The following TYR variants were observed in gnomAD, a reference collection of about 807,000 sequenced individuals.
The protein encoded by TYR is tyrosinase.
A neutral mutation model predicts 51.5 loss-of-function variants in TYR; 58 were observed. That is an observed-to-expected ratio of 1.13 (90% CI 0.91 to 1.40). The LOEUF is 1.40. Among genes scored for constraint, TYR ranks in the 40% most tolerant of loss-of-function variants. TYR has a pLI of 0.00. For synonymous variants in TYR, 263 were observed against 235.2 expected, an observed-to-expected ratio of 1.12 and a Z score of -1.08; for missense variants, 732 against 647.4, an observed-to-expected ratio of 1.13 and a Z score of -1.42.
chr11:89,201,467 C>A (rs1003685758), intron 2 of TYR, among the ~76,000 whole-genome samples: 1 of 152,038 alleles, frequency 6.6e-6, no homozygotes, highest in Non-Finnish European at 1.5e-5. Context: ...TATGTAGGTT[C>A]CATTTTGTGA....
intron 3 of TYR, among the ~76,000 whole-genome samples, chr11:89,238,931 C>A (rs1023114834): frequency 6.6e-6 from 1 of 152,108 alleles, no homozygotes; most frequent in Non-Finnish European, 1.5e-5. Context: ...GATAATCCCT[C>A]TTGATGATAG....
intron 4 of TYR, among the ~76,000 whole-genome samples, chr11:89,289,268 T>G (rs1283509763): frequency 1.3e-5 from 2 of 152,066 alleles, no homozygotes; most frequent in Non-Finnish European, 2.9e-5. Flanking sequence ...CTGTTCACAG[T>G]AACTGCAGTG....
intron 3 of TYR, among the ~76,000 whole-genome samples, chr11:89,259,150 T>A (rs1483444065): frequency 2.0e-5 from 3 of 152,070 alleles, no homozygotes; most frequent in Non-Finnish European, 4.4e-5. Context: ...TGAATGAGTC[T>A]AGAATTCGTA....
intron 2 of TYR, among the ~76,000 whole-genome samples, chr11:89,214,839 C>T (rs779496944): frequency 6.6e-6 from 1 of 152,104 alleles, no homozygotes; most frequent in East Asian, 1.9e-4. Flanking sequence ...TGATTAAGAA[C>T]ATAGATTTTA....
intron 2 of TYR, among the ~76,000 whole-genome samples, chr11:89,226,284 G>A (rs2135280750): frequency 6.6e-6 from 1 of 152,188 alleles, no homozygotes; most frequent in African/African-American, 2.4e-5. Context: ...TTTTACCTTA[G>A]ACAAGTTCTT....
intron 2 of TYR, among the ~76,000 whole-genome samples, chr11:89,204,701 A>T (rs1397561969): frequency 6.6e-6 from 1 of 152,104 alleles, no homozygotes; most frequent in Non-Finnish European, 1.5e-5. Flanking sequence ...CCCAGCTGAG[A>T]TTATAAACTT....
At chr11:89,227,134 G>A (rs1943986842) in intron 2 of TYR, among the ~76,000 whole-genome samples, 1 of 152,084 alleles carries the variant, frequency 6.6e-6, no homozygotes, top group African/African-American at 2.4e-5. Flanking sequence ...CAGAGTTACT[G>A]TAAAGATAGA....
chr11:89,184,793 C>T (rs1943347846), intron 1 of TYR, among the ~76,000 whole-genome samples: 1 of 152,120 alleles, frequency 6.6e-6, no homozygotes, highest in South Asian at 2.1e-4. Context: ...GTTGCATCTA[C>T]CTGTATTACG....
At chr11:89,195,669 C>CATAAATAA (rs71840089) in intron 2 of TYR, among the ~76,000 whole-genome samples, 3 of 151,374 alleles carry the variant, frequency 2.0e-5, no homozygotes, top group African/African-American at 7.3e-5. Context: ...AGACTCTTCC[C>CATAAATAA]ATAAATAAAT....
At chr11:89,293,397 G>A (rs188895093) in intron 4 of TYR, among the ~76,000 whole-genome samples, 10 of 149,812 alleles carry the variant, frequency 6.7e-5, no homozygotes, top group African/African-American at 1.5e-4. Flanking sequence ...TAGGATAAAC[G>A]CAAGTTCTGA....
intron 3 of TYR, among the ~76,000 whole-genome samples, chr11:89,254,373 C>T (rs114399147): frequency 0.086 from 13,069 of 151,598 alleles, 764 homozygotes; most frequent in African/African-American, 0.16. Flanking sequence ...CACTCTTTAT[C>T]TTGTGGAATA....
chr11:89,188,269 A>ACTC (rs1943402004), intron 1 of TYR, among the ~76,000 whole-genome samples: 1 of 151,800 alleles, frequency 6.6e-6, no homozygotes, highest in Non-Finnish European at 1.5e-5. Flanking sequence ...TAGACTGTAA[A>ACTC]CTCTATAAAA....
At chr11:89,200,776 C>T (rs1943587511) in intron 2 of TYR, among the ~76,000 whole-genome samples, 1 of 152,010 alleles carries the variant, frequency 6.6e-6, no homozygotes, top group African/African-American at 2.4e-5. Context: ...GAAAATCTAG[C>T]CTCACACAAC....
chr11:89,246,108 A>G (rs1351345192), intron 3 of TYR, among the ~76,000 whole-genome samples: 4 of 152,066 alleles, frequency 2.6e-5, no homozygotes, highest in Non-Finnish European at 5.9e-5. Flanking sequence ...CTGGACAGGC[A>G]CTAGCTTAGG....
intron 3 of TYR, among the ~76,000 whole-genome samples, chr11:89,256,262 A>G (rs1378803495): frequency 6.6e-6 from 1 of 151,842 alleles, no homozygotes; most frequent in Non-Finnish European, 1.5e-5. Context: ...TATTGCCTGT[A>G]AAATGTATGA....
chr11:89,222,329 A>G (rs1591164974), intron 2 of TYR, among the ~76,000 whole-genome samples: 1 of 152,202 alleles, frequency 6.6e-6, no homozygotes, highest in South Asian at 2.1e-4. Flanking sequence ...TAAACCAGTT[A>G]TATCTGAATC....
At chr11:89,244,311 G>A (rs1944237162) in intron 3 of TYR, among the ~76,000 whole-genome samples, 3 of 151,466 alleles carry the variant, frequency 2.0e-5, no homozygotes, top group Non-Finnish European at 2.9e-5. Context: ...AGATCTACTA[G>A]GCAGTTGAGC....
Position 89,260,975 on chromosome 11 carries a change from C to T in TYR, c.1185-23798C>T, listed in dbSNP as rs555832401. Among the ~76,000 whole-genome samples the T allele has an allele frequency of 2.2e-4, 34 of 152,186 alleles. 1 individual carries two copies. In the South Asian group the frequency reaches 6.8e-3, roughly 31 times the overall value. On this transcript the variant is annotated intron_variant, in intron 3 of 4. Coordinates refer to ENST00000263321, the MANE Select transcript of TYR (RefSeq NM_000372.5). ...GGGCATGTGAGGGATCTAGGTTGCA[C>T]ATTCCTTATGAGAATCTAACGCCTG...
At chr11:89,220,897 T>C (rs1328247155) in intron 2 of TYR, among the ~76,000 whole-genome samples, 1 of 152,218 alleles carries the variant, frequency 6.6e-6, no homozygotes, top group African/African-American at 2.4e-5. Flanking sequence ...GTAATCTTTG[T>C]TGTAGAGAGG....
Sources: gnomAD v4.1 joint callset for allele counts (sites outside exome capture counted in the v4.1 genomes callset) on GRCh38, gnomAD v4.1.1 for gene constraint, MANE v1.5 for transcripts, NCBI Gene and HGNC (gene_info 2026-07-23, HGNC 2026-07-21) for gene names.